The following EFCAB11 variants were observed in gnomAD, a reference collection of about 807,000 sequenced individuals.
EFCAB11 encodes the protein EF-hand calcium-binding domain-containing protein 11.
Under a neutral mutation model 23.0 loss-of-function variants are expected in EFCAB11, and 14 were observed. The observed-to-expected ratio is 0.61, with a 90% CI of 0.40 to 0.95. EFCAB11 has a LOEUF of 0.95. Ranked by LOEUF, EFCAB11 falls within the 40% of genes least tolerant of loss-of-function variation. EFCAB11 has a pLI of 0.00. For missense variants in EFCAB11, 198 were observed against 195.8 expected, an observed-to-expected ratio of 1.01 and a Z score of -0.07; for synonymous variants, 65 against 66.6, an observed-to-expected ratio of 0.98 and a Z score of 0.11.
intron 5 of EFCAB11, among the ~76,000 whole-genome samples, chr14:89,872,874 C>CAT (rs1888326461): frequency 6.6e-6 from 1 of 151,888 alleles, no homozygotes; most frequent in African/African-American, 2.4e-5. Flanking sequence ...CACACACACA[C>CAT]AGGGAAGAAT....
At chr14:89,834,382 A>AG (rs1415940276) in intron 5 of EFCAB11, among the ~76,000 whole-genome samples, 1 of 147,448 alleles carries the variant, frequency 6.8e-6, no homozygotes, top group Non-Finnish European at 1.5e-5. Flanking sequence ...TCTCAAAAAA[A>AG]AAAAAAAAAA....
At chr14:89,914,219 A>G (rs1426542513) in intron 5 of EFCAB11, among the ~76,000 whole-genome samples, 1 of 152,186 alleles carries the variant, frequency 6.6e-6, no homozygotes, top group Non-Finnish European at 1.5e-5. Flanking sequence ...TACAACCTGG[A>G]AACATCTTCT....
intron 5 of EFCAB11, among the ~76,000 whole-genome samples, chr14:89,874,338 C>T (rs113029419): frequency 0.054 from 8,147 of 152,250 alleles, 718 homozygotes; most frequent in African/African-American, 0.18. Context: ...GGCCTCTGGG[C>T]CTGCGATGGG....
intron 5 of EFCAB11, among the ~76,000 whole-genome samples, chr14:89,909,645 G>A (rs1889607311): frequency 7.8e-6 from 1 of 127,640 alleles, no homozygotes; most frequent in Non-Finnish European, 1.5e-5. Flanking sequence ...TGGCTTCCCG[G>A]TATCTCAGGA....
chr14:89,834,244 C>T (rs1057415778), intron 5 of EFCAB11, among the ~76,000 whole-genome samples: 11 of 151,838 alleles, frequency 7.2e-5, no homozygotes, highest in South Asian at 2.1e-4. Context: ...AGCATGGTGG[C>T]GCGTGCCTGT....
chr14:89,906,576 G>T (rs536638009), intron 5 of EFCAB11, among the ~76,000 whole-genome samples: 7 of 152,268 alleles, frequency 4.6e-5, no homozygotes, highest in Admixed American at 6.5e-5. Flanking sequence ...TTAAAATGTG[G>T]TTTTTTACAT....
intron 5 of EFCAB11, among the ~76,000 whole-genome samples, chr14:89,812,492 AAGAG>A (rs1886180721): frequency 6.6e-6 from 1 of 152,220 alleles, no homozygotes; most frequent in Non-Finnish European, 1.5e-5. Flanking sequence ...AACAGGCAAG[AAGAG>A]CTGAGAACAA....
intron 5 of EFCAB11, among the ~76,000 whole-genome samples, chr14:89,878,023 T>G (rs1011932907): frequency 1.3e-5 from 2 of 152,234 alleles, no homozygotes; most frequent in Admixed American, 1.3e-4. Flanking sequence ...TGTTATTAAA[T>G]CTGTACCTTT....
chr14:89,938,523 T>C (rs572233772), intron 3 of EFCAB11, among the ~76,000 whole-genome samples: 5 of 152,138 alleles, frequency 3.3e-5, no homozygotes, highest in Admixed American at 6.5e-5. Context: ...CAGAGGATAA[T>C]ATTTTCTTCC....
intron 5 of EFCAB11, among the ~76,000 whole-genome samples, chr14:89,873,167 G>C (rs957810569): frequency 6.6e-6 from 1 of 152,172 alleles, no homozygotes; most frequent in African/African-American, 2.4e-5. Context: ...CATGGTGGAA[G>C]GTGAAGGAGG....
intron 5 of EFCAB11, among the ~76,000 whole-genome samples, chr14:89,798,952 A>T (rs1031708224): frequency 2.0e-5 from 3 of 151,892 alleles, no homozygotes; most frequent in African/African-American, 7.3e-5. Flanking sequence ...ACGCCTGGCT[A>T]ATTTTTGTAT....
intron 3 of EFCAB11, among the ~76,000 whole-genome samples, chr14:89,943,797 G>C (rs931370720): frequency 2.6e-5 from 4 of 152,008 alleles, no homozygotes; most frequent in Admixed American, 1.3e-4. Flanking sequence ...TCCTTTTCTT[G>C]AATGTTTGTG....
chr14:89,865,242 G>A (rs1290223778), intron 5 of EFCAB11, among the ~76,000 whole-genome samples: 3 of 152,196 alleles, frequency 2.0e-5, no homozygotes, highest in African/African-American at 7.2e-5. Flanking sequence ...TGGTTCTGTT[G>A]TGAGAGTCAA....
chr14:89,881,245 A>G (rs1888586995), intron 5 of EFCAB11, among the ~76,000 whole-genome samples: 1 of 151,504 alleles, frequency 6.6e-6, no homozygotes, highest in African/African-American at 2.4e-5. Context: ...CCAACTGCCT[A>G]GCTCAATGTA....
rs1300862634 is a variant in EFCAB11, at chr14:89,920,995, GC to G, written c.410+10545del. On this transcript the variant is annotated intron_variant, in intron 5 of 5. Coordinates refer to ENST00000316738, the MANE Select transcript of EFCAB11 (RefSeq NM_145231.4). Reference sequence around the variant, plus strand: ...CAGGAGAATCACTTGAACCTGGGAGGCAGAGGTTGCAGTGAGCCGAGGTCGC... The same window carrying G: ...CAGGAGAATCACTTGAACCTGGGAGGAGAGGTTGCAGTGAGCCGAGGTCGC... 2.0e-5 allele frequency among the ~76,000 whole-genome samples: 3 copies of G among 151,540 alleles called. 1 individual carries two copies. In the East Asian group the frequency reaches 5.8e-4, roughly 29 times the overall value.
chr14:89,808,979 C>T (rs749194691), intron 5 of EFCAB11, among the ~76,000 whole-genome samples: 7 of 152,214 alleles, frequency 4.6e-5, no homozygotes, highest in Non-Finnish European at 7.3e-5. Context: ...CCTGGAAGTG[C>T]TTCTTCAGCT....
At chr14:89,812,821 A>G (rs1886190562) in intron 5 of EFCAB11, among the ~76,000 whole-genome samples, 1 of 152,248 alleles carries the variant, frequency 6.6e-6, no homozygotes, top group Non-Finnish European at 1.5e-5. Context: ...CAAACCAACC[A>G]AGAATATGGA....
chr14:89,916,218 AGT>A (rs10569454), intron 5 of EFCAB11, among the ~76,000 whole-genome samples: 18,770 of 152,080 alleles, frequency 0.12, 3,204 homozygotes, highest in African/African-American at 0.39. Flanking sequence ...GTCTATGAGA[AGT>A]ACATCTAGCT....
At chr14:89,871,475 G>A (rs1888267040) in intron 5 of EFCAB11, among the ~76,000 whole-genome samples, 1 of 152,158 alleles carries the variant, frequency 6.6e-6, no homozygotes, top group African/African-American at 2.4e-5. Flanking sequence ...GCCTGGAGGA[G>A]AGGTAGCAAC....
Sources: gnomAD v4.1 joint callset for allele counts (sites outside exome capture counted in the v4.1 genomes callset) on GRCh38, gnomAD v4.1.1 for gene constraint, MANE v1.5 for transcripts, NCBI Gene and HGNC (gene_info 2026-07-23, HGNC 2026-07-21) for gene names.